MGAT4A: variants seen among roughly 807,000 people sequenced by gnomAD.
The protein encoded by MGAT4A is N-acetylglucosaminyltransferase IVa.
In MGAT4A, 33 loss-of-function variants were observed where a neutral mutation model predicts 74.1. The observed-to-expected ratio is 0.45, with a 90% CI of 0.34 to 0.60. The LOEUF (loss-of-function observed/expected upper bound fraction) is 0.60, where lower values mean the gene tolerates loss of function less well. Ranked by LOEUF, MGAT4A falls within the 20% of genes least tolerant of loss-of-function variation. The pLI, the probability that MGAT4A is intolerant of heterozygous loss-of-function variation, is 0.02. For missense variants in MGAT4A, 479 were observed against 628.3 expected (o/e 0.76, Z 2.54); for synonymous variants, 198 against 210.4 (o/e 0.94, Z 0.51).
chr2:98,645,543 C>A lies in MGAT4A; in HGVS notation c.775-1G>T. 6.5e-7 allele frequency: 1 copy of A among 1,541,972 alleles called. No individual in the cohort carries two copies. Among genetic ancestry groups the A allele is most frequent in the Non-Finnish European group, 8.7e-7 (1 of 1,145,634 alleles). ...GTTTGACAATAATATCATCTTCAAG[C>A]TAGAGAAAATTGAACAATCATATTA... On this transcript the variant is annotated splice_acceptor_variant, in intron 8 of 15. Coordinates refer to ENST00000393487, the MANE Select transcript of MGAT4A (RefSeq NM_012214.3). LOFTEE classifies it high-confidence loss of function.
intron 1 of MGAT4A, chr2:98,730,295 G>C (rs1369834689): frequency 1.3e-5 from 2 of 152,200 alleles, no homozygotes; most frequent in Non-Finnish European, 2.9e-5. Context: ...CAAGTGGCTC[G>C]ACTGCCAGCT....
Position 98,636,688 on chromosome 2 carries a change from C to A in MGAT4A, c.1323-93G>T, listed in dbSNP as rs2104228140. On this transcript the variant is annotated intron_variant, in intron 12 of 15. Coordinates refer to ENST00000393487, the MANE Select transcript of MGAT4A (RefSeq NM_012214.3). ...CCTTACCTCAGAGTCAGCTTTTCTA[C>A]ACAAGACTCTAAGCAAGCAAAGTTG... 3.8e-6 allele frequency: 4 copies of A among 1,050,238 alleles called. No individual in the cohort carries two copies. The South Asian group carries it at 5.3e-5, about 14-fold the overall frequency. 65.1% of individuals were successfully genotyped at this position (1,050,238 alleles called of 1,614,324 possible). A position where few individuals can be genotyped will look rare whatever the true frequency, so the allele number is the denominator to read the frequency against.
At chr2:98,685,851 T>C (rs1702121637) in intron 2 of MGAT4A, among the ~76,000 whole-genome samples, 1 of 152,172 alleles carries the variant, frequency 6.6e-6, no homozygotes, top group South Asian at 2.1e-4. Flanking sequence ...GTGATGCTGA[T>C]GTGCCAGTCC....
At chr2:98,665,146 G>A (rs889131137) in intron 4 of MGAT4A, among the ~76,000 whole-genome samples, 6 of 151,920 alleles carry the variant, frequency 3.9e-5, no homozygotes, top group Admixed American at 6.6e-5. Context: ...TGGCTAACAC[G>A]GTGAAACCCT....
chr2:98,638,627 A>C (rs2104231491), intron 12 of MGAT4A, among the ~76,000 whole-genome samples: 1 of 152,390 alleles, frequency 6.6e-6, no homozygotes, highest in East Asian at 1.9e-4. Context: ...ATGAACTTTA[A>C]CAGCAAAACA....
intron 2 of MGAT4A, among the ~76,000 whole-genome samples, chr2:98,696,380 G>A (rs575844407): frequency 1.3e-5 from 2 of 152,338 alleles, no homozygotes; most frequent in Non-Finnish European, 2.9e-5. Flanking sequence ...GGTCATGTAC[G>A]TCTGTGGCAA....
chr2:98,698,663 TCTC>T (rs1484865960), intron 2 of MGAT4A, among the ~76,000 whole-genome samples: 1 of 152,096 alleles, frequency 6.6e-6, no homozygotes, highest in Non-Finnish European at 1.5e-5. Flanking sequence ...TCCAACATGA[TCTC>T]CTCACGTTGC....
At chr2:98,628,830 T>C (rs985394126) in intron 14 of MGAT4A, among the ~76,000 whole-genome samples, 1 of 152,124 alleles carries the variant, frequency 6.6e-6, no homozygotes, top group Non-Finnish European at 1.5e-5. Flanking sequence ...ACTGTCCAAT[T>C]ATAAATGCAT....
At chr2:98,707,696 C>G (rs1389902123) in intron 2 of MGAT4A, among the ~76,000 whole-genome samples, 1 of 152,140 alleles carries the variant, frequency 6.6e-6, no homozygotes, top group African/African-American at 2.4e-5. Flanking sequence ...TCTAGCGTCT[C>G]CCCAGTGATA....
intron 4 of MGAT4A, 135 bp from the exon 5 acceptor site, chr2:98,663,314 A>C (rs766931079): frequency 6.6e-6 from 10 of 1,524,012 alleles, no homozygotes; most frequent in Non-Finnish European, 7.9e-6. Flanking sequence ...AGTTTCAGGA[A>C]GAAAAATAAA....
chr2:98,713,065 AG>A, intron 2 of MGAT4A, among the ~76,000 whole-genome samples: 1 of 151,550 alleles, frequency 6.6e-6, no homozygotes, highest in African/African-American at 2.4e-5. Flanking sequence ...GCTAGTCAAG[AG>A]GTTAAGGTGG....
intron 2 of MGAT4A, among the ~76,000 whole-genome samples, chr2:98,705,663 G>A (rs1240885488): frequency 1.3e-5 from 2 of 152,170 alleles, no homozygotes. Context: ...CAACTAACAG[G>A]CCGGGCGCGG....
chr2:98,663,060 C>T lies in MGAT4A; in HGVS notation c.523G>A (p.Val175Ile). The T allele has an allele frequency of 6.5e-7, 1 of 1,549,346 alleles. No individual in the cohort carries two copies. Among genetic ancestry groups the T allele is most frequent in the Non-Finnish European group, 8.7e-7 (1 of 1,143,450 alleles). Residue 175 changes from valine (V) to isoleucine (I), a missense_variant, in exon 5 of 16, where the codon GTC becomes ATC. Physicochemically the swap from Val to Ile is conservative, Grantham distance 29. Around this residue, in one of 3 missense-constraint regions of MGAT4A, gnomAD observed 205 missense variants for 232.7 expected, o/e 0.88. Coordinates refer to ENST00000393487, the MANE Select transcript of MGAT4A (RefSeq NM_012214.3). ...PEEKLDCVIVVFIGETDIDYV... is the reference protein window; with the variant it reads ...PEEKLDCVIVIFIGETDIDYV... ...TAAATAATTACCTCTCCTATGAAGA[C>T]TACTATAACACAGTCCAACTTCTCT...
intron 4 of MGAT4A, among the ~76,000 whole-genome samples, chr2:98,671,149 C>T (rs1701906345): frequency 6.6e-6 from 1 of 152,208 alleles, no homozygotes; most frequent in Non-Finnish European, 1.5e-5. Flanking sequence ...TATGTCCTCC[C>T]TGATACATTC....
At chr2:98,709,957 C>G (rs1313111370) in intron 2 of MGAT4A, among the ~76,000 whole-genome samples, 1 of 152,164 alleles carries the variant, frequency 6.6e-6, no homozygotes, top group Non-Finnish European at 1.5e-5. Flanking sequence ...AGCTGGAGTT[C>G]ACCAACACAG....
intron 3 of MGAT4A, among the ~76,000 whole-genome samples, chr2:98,677,601 C>T (rs1438646599): frequency 1.3e-5 from 2 of 151,984 alleles, no homozygotes; most frequent in Non-Finnish European, 1.5e-5. Context: ...TACAGGCGCA[C>T]ACCAACATGC....
intron 2 of MGAT4A, among the ~76,000 whole-genome samples, chr2:98,686,147 G>A (rs1490124796): frequency 3.3e-5 from 5 of 152,124 alleles, no homozygotes; most frequent in African/African-American, 1.2e-4. Context: ...TGGTTTTGGA[G>A]TACTCCAGTC....
rs376713422 is a variant in MGAT4A at position 98,709,900 on chromosome 2, C to T, written c.94+16339G>A. Among the ~76,000 whole-genome samples, 25 of 152,276 alleles carry T rather than the reference C, an allele frequency of 1.6e-4. No individual in the cohort carries two copies. In the South Asian group the frequency reaches 2.3e-3, roughly 14 times the overall value. On this transcript the variant is annotated intron_variant, in intron 2 of 15. Transcript: ENST00000393487. ...CCTTTAAGTAAGAAATTCAGGCTAC[C>T]CAGTTTCCCTATAAAACTCCAGTCC...
At chr2:98,641,691 GAAAA>G (rs201848483) in intron 10 of MGAT4A, among the ~76,000 whole-genome samples, 1 of 146,852 alleles carries the variant, frequency 6.8e-6, no homozygotes, top group African/African-American at 2.5e-5. Context: ...AGAAAAAAAA[GAAAA>G]AAAAATACAA....
Sources: gnomAD v4.1 joint callset for allele counts (sites outside exome capture counted in the v4.1 genomes callset) on GRCh38, gnomAD v4.1.1 for gene constraint, gnomAD v4.1.1 regional missense constraint, MANE v1.5 for transcripts, NCBI Gene and HGNC (gene_info 2026-07-23, HGNC 2026-07-21) for gene names.